PCED1A: variants seen among roughly 807,000 people sequenced by gnomAD.
PCED1A encodes the protein PC-esterase domain containing 1A.
In PCED1A, 20 loss-of-function variants were observed where a neutral mutation model predicts 41.9. That is an observed-to-expected ratio of 0.48 (90% confidence interval 0.34 to 0.69). The LOEUF (loss-of-function observed/expected upper bound fraction) is 0.69. PCED1A is among the 30% of genes least tolerant of loss of function. The pLI is 0.01. For synonymous variants in PCED1A, 236 were observed against 241.3 expected, an observed-to-expected ratio of 0.98 and a Z score of 0.20; for missense variants, 498 against 602.1, an observed-to-expected ratio of 0.83 and a Z score of 1.81.
rs1171067862 is a variant in PCED1A, at chr20:2,839,102, T to G, written c.205-20A>C. 1.0e-5 allele frequency: 3 copies of G among 289,526 alleles called. No individual in the cohort carries two copies. Among genetic ancestry groups the G allele is most frequent in the African/African-American group, 9.3e-5 (1 of 10,788 alleles). The allele number at this position is 289,526 out of a possible 1,614,324, so 17.9% of individuals were successfully genotyped here. A position where few individuals can be genotyped will look rare whatever the true frequency, so the allele number is the denominator to read the frequency against. On this transcript the variant is annotated intron_variant, in intron 3 of 7. Transcript: ENST00000360652. ...CTCCCCCTACCCACCCCCCCCACCC[T>G]ACTGGTCAGACCCATGCCAGGGAGG...
At chr20:2,840,661 C>G, upstream of PCED1A, 2 of 1,197,552 alleles carry the variant, frequency 1.7e-6, no homozygotes, top group Non-Finnish European at 2.4e-6. Context: ...GTGGTGATGG[C>G]CGCGGCGGCG....
In PCED1A at chr20:2,836,310, C is replaced by T. The variant is rs140133504; in HGVS notation, c.846G>A (p.Pro282=). The change falls in exon 7 of 8, where the codon CCG becomes CCA. Residue 282 remains proline, a synonymous_variant. Transcript: ENST00000360652. ...ELPKRGYPPD[P]WIEDWAEMNH... ...TCATCTCTGCCCAGTCCTCAATCCA[C>T]GGGTCTAGGAATGGGATGGTTGTTT... 96 of 1,613,892 alleles carry T rather than the reference C, an allele frequency of 5.9e-5. No homozygotes were observed. The African/African-American group carries it at 7.1e-4, about 12-fold the overall frequency.
In PCED1A at chr20:2,836,305, A is replaced by G. The variant is rs761065287; in HGVS notation, c.851T>C (p.Ile284Thr). 5.6e-6 allele frequency: 9 copies of G among 1,614,076 alleles called. No individual in the cohort carries two copies. In the East Asian group the frequency reaches 1.8e-4, roughly 32 times the overall value. ...ATGATTCATCTCTGCCCAGTCCTCAATCCACGGGTCTAGGAATGGGATGGT... is the reference window on the plus strand; with the variant it reads ...ATGATTCATCTCTGCCCAGTCCTCAGTCCACGGGTCTAGGAATGGGATGGT... ...PKRGYPPDPW[I>T]EDWAEMNHPF... Residue 284 changes from isoleucine to threonine, a missense_variant, in exon 7 of 8, where the codon ATT becomes ACT. By Grantham distance (89) the Ile-to-Thr change is moderately conservative (BLOSUM62 -1). This residue lies in a region of PCED1A where 245 missense variants were observed against 232.4 expected (regional missense o/e 1.05). Coordinates refer to ENST00000360652, the MANE Select transcript of PCED1A (RefSeq NM_022760.6).
intron 6 of PCED1A, 112 bp from the exon 7 acceptor site, chr20:2,836,426 G>A: frequency 1.0e-6 from 1 of 959,650 alleles, no homozygotes; most frequent in South Asian, 1.4e-5. Context: ...GAGCCACCAG[G>A]CTGGAGCATC....
rs1279638008 is a variant in PCED1A, at chr20:2,838,540, T to C, written c.594+56A>G. The stretch of plus-strand genomic sequence containing the variant: ...CGCAGCAGGGTCTGAAAGCAGGGTG[T>C]CCTATCTACCAGTCTGCTATCCCAT... On this transcript the variant is annotated intron_variant, in intron 5 of 7. Transcript: ENST00000360652. This position sits in a 1 kb window ranked among gnomAD's most constrained non-coding sequence, Gnocchi z 5.8. 1 of 1,613,710 alleles carries C rather than the reference T, an allele frequency of 6.2e-7. No individual in the cohort carries two copies. Among genetic ancestry groups the C allele is most frequent in the Non-Finnish European group, 8.5e-7 (1 of 1,179,780 alleles).
chr20:2,837,835 C>A (rs1458973143), intron 6 of PCED1A, among the ~76,000 whole-genome samples: 1 of 152,174 alleles, frequency 6.6e-6, no homozygotes, highest in Non-Finnish European at 1.5e-5. Flanking sequence ...TGTACCCCCA[C>A]CCCCCAGCTG....
chr20:2,838,482 A>G lies in PCED1A; in HGVS notation c.595-4T>C. The G allele has an allele frequency of 1.9e-6, 3 of 1,614,170 alleles. No homozygotes were observed. Among genetic ancestry groups the G allele is most frequent in the Non-Finnish European group, 2.5e-6 (3 of 1,180,028 alleles). On this transcript the variant is annotated splice_region_variant and splice_polypyrimidine_tract_variant and intron_variant, in intron 5 of 7. Transcript: ENST00000360652. The surrounding 1 kb of genome is among the most constrained non-coding windows in gnomAD (Gnocchi z 5.8). ...GGGAGCCTGCCAGGGGCTGGAGCTA[A>G]GTGAGAAAGTGCAGCCTCTAAGAGC... is the stretch of plus-strand genomic sequence containing the variant.
At position 2,838,723 on chromosome 20, in the gene PCED1A, C is replaced by T. The variant is rs2088882522; in HGVS notation, c.467G>A (p.Ser156Asn). Residue 156 changes from serine (S) to asparagine (N), a missense_variant, in exon 5 of 8, where the codon AGC becomes AAC. Transcript: ENST00000360652. The surrounding 1 kb of genome is among the most constrained non-coding windows in gnomAD (Gnocchi z 5.8). ...CACCCGCTCCAGGTTCTCCCGGTAG[C>T]TCTCCATTGAGCAGCGACCATATCT... ...LSRYGRCSME[S>N]YRENLERVFV... The T allele has an allele frequency of 6.2e-7, 1 of 1,614,068 alleles. No homozygotes were observed. Among genetic ancestry groups the T allele is most frequent in the South Asian group, 1.1e-5 (1 of 91,094 alleles).
rs541452774 is a variant in PCED1A at position 2,838,743 on chromosome 20, A to G, written c.447T>C (p.Tyr149=). The G allele has an allele frequency of 2.5e-5, 40 of 1,614,220 alleles. No homozygotes were observed. In the African/African-American group the frequency reaches 3.3e-4, roughly 13 times the overall value. Residue 149 remains tyrosine (Y), a synonymous_variant, in exon 5 of 8, where the codon TAT becomes TAC. Transcript: ENST00000360652. This position sits in a 1 kb window ranked among gnomAD's most constrained non-coding sequence, Gnocchi z 5.8. ...GGTAGCTCTCCATTGAGCAGCGACC[A>G]TATCTGTTGGATAACACACAGGGTG... The part of the protein sequence containing the change: ...INSCLWDLSR[Y]GRCSMESYRE...
rs372368192 is a variant in PCED1A, at chr20:2,838,406, C to T, written c.667G>A (p.Asp223Asn). The T allele has an allele frequency of 3.1e-6, 5 of 1,614,220 alleles. No individual in the cohort carries two copies. Among genetic ancestry groups the T allele is most frequent in the Admixed American group, 1.7e-5 (1 of 60,030 alleles). ...AGGTCTAGGACATCAAAGCAGTGGT[C>T]CCCGGCCAGCGTAGCACTGTAGAAG... ...GNFYSATLAG[D>N]HCFDVLDLHF... Residue 223 changes from aspartate to asparagine, a missense_variant, in exon 6 of 8, where the codon GAC becomes AAC. Physicochemically the swap from Asp to Asn is conservative, Grantham distance 23. Around this residue, in one of 2 missense-constraint regions of PCED1A, gnomAD observed 253 missense variants for 369.7 expected, o/e 0.68. Transcript: ENST00000360652. The surrounding 1 kb of genome is among the most constrained non-coding windows in gnomAD (Gnocchi z 5.8).
intron 6 of PCED1A, among the ~76,000 whole-genome samples, chr20:2,836,853 A>G (rs112715178): frequency 0.023 from 3,541 of 152,216 alleles, 70 homozygotes; most frequent in Non-Finnish European, 0.034. Flanking sequence ...GTCCTTCCTA[A>G]AAGTGCCCCT....
intron 7 of PCED1A, 145 bp from the exon 8 acceptor site, chr20:2,835,854 T>C: frequency 6.9e-7 from 1 of 1,454,042 alleles, no homozygotes. Flanking sequence ...CTTCAGACGG[T>C]GAAACAGTGA....
chr20:2,836,653 TC>T (rs1376633734), intron 6 of PCED1A, among the ~76,000 whole-genome samples: 3 of 152,148 alleles, frequency 2.0e-5, no homozygotes, highest in African/African-American at 7.2e-5. Context: ...GTTATTCCCT[TC>T]CCCAACAACT....
chr20:2,839,558 G>A (rs1236395679), intron 2 of PCED1A, among the ~76,000 whole-genome samples: 4 of 152,174 alleles, frequency 2.6e-5, no homozygotes, highest in Non-Finnish European at 5.9e-5. Flanking sequence ...GGAAATTATG[G>A]GGAGCTGTCA....
In PCED1A at chr20:2,838,581, G is replaced by A. The variant is rs1440129345; in HGVS notation, c.594+15C>T. On this transcript the variant is annotated intron_variant, in intron 5 of 7. Coordinates refer to ENST00000360652, the MANE Select transcript of PCED1A (RefSeq NM_022760.6). This position sits in a 1 kb window ranked among gnomAD's most constrained non-coding sequence, Gnocchi z 5.8. ...GCTATCCCATCTCTTGTCCTGATGGGCCTCAGTCACTTGCCTCTGGCAGGA... is the reference window on the plus strand; with the variant it reads ...GCTATCCCATCTCTTGTCCTGATGGACCTCAGTCACTTGCCTCTGGCAGGA... The A allele has an allele frequency of 4.3e-6, 7 of 1,614,172 alleles. No homozygotes were observed. Among genetic ancestry groups the A allele is most frequent in the Non-Finnish European group, 5.9e-6 (7 of 1,180,026 alleles).
At position 2,836,133 on chromosome 20, in the gene PCED1A, G is replaced by A. The variant is rs913008721; in HGVS notation, c.1023C>T (p.Pro341=). The A allele has an allele frequency of 6.3e-7, 1 of 1,594,158 alleles. No homozygotes were observed. The highest frequency in any genetic ancestry group is 1.7e-5 in the Admixed American group (1 of 58,052). ...GGCCTGGGAAAAAAGGGGTATCCTG[G>A]GGCAGGGGTGGGAAGAGGGGAGGTG... ...PSPPPLFPPL[P]QDTPFFPGQP... The change falls in exon 7 of 8, where the codon CCC becomes CCT. Residue 341 remains proline, a synonymous_variant. Transcript: ENST00000360652.
At chr20:2,840,051 T>C in intron 1 of PCED1A, 118 bp from the exon 2 acceptor site, 4 of 1,104,916 alleles carry the variant, frequency 3.6e-6, no homozygotes, top group African/African-American at 1.6e-5. Context: ...AGCAGAGCCA[T>C]GGTGGCGCCA....
rs766898930 is a variant in PCED1A at position 2,838,817 on chromosome 20, C to G, written c.443+27G>C. 1.2e-6 allele frequency: 2 copies of G among 1,614,194 alleles called. No individual in the cohort carries two copies. Among genetic ancestry groups the G allele is most frequent in the Non-Finnish European group, 1.7e-6 (2 of 1,180,026 alleles). On this transcript the variant is annotated intron_variant, in intron 4 of 7. Transcript: ENST00000360652. This position sits in a 1 kb window ranked among gnomAD's most constrained non-coding sequence, Gnocchi z 5.8. ...CCTCAGCCGTACTTCCAGCCCCAAC[C>G]AGTATTCCCCTTTCCCTCGCCCCAA... is the stretch of plus-strand genomic sequence containing the variant.
intron 6 of PCED1A, 96 bp from the exon 7 acceptor site, chr20:2,836,410 A>C (rs1599949074): frequency 9.0e-7 from 1 of 1,109,420 alleles, no homozygotes; most frequent in East Asian, 2.4e-5. Flanking sequence ...TTCCTCTTGG[A>C]GAGCAGAGCC....
Sources: gnomAD v4.1 joint callset for allele counts (sites outside exome capture counted in the v4.1 genomes callset) on GRCh38, gnomAD v4.1.1 for gene constraint, gnomAD v4.1.1 regional missense constraint, Gnocchi (gnomAD v3.1) non-coding constraint, MANE v1.5 for transcripts, NCBI Gene and HGNC (gene_info 2026-07-23, HGNC 2026-07-21) for gene names.